The following ARFGEF2 variants were observed in gnomAD, a reference collection of about 807,000 sequenced individuals.
The protein encoded by ARFGEF2 is brefeldin A-inhibited guanine nucleotide-exchange protein 2.
ARFGEF2 carries 74 observed loss-of-function variants against 219.9 expected under a neutral mutation model. That is an observed-to-expected ratio of 0.34 (90% CI 0.28 to 0.41). The LOEUF is 0.41. Among genes scored for constraint, ARFGEF2 ranks in the 10% least tolerant of loss-of-function variants. The pLI is 1.00. For synonymous variants in ARFGEF2, 733 were observed against 799.2 expected, an observed-to-expected ratio of 0.92 and a Z score of 1.40; for missense variants, 1,743 against 2,218.3, an observed-to-expected ratio of 0.79 and a Z score of 4.30.
chr20:49,030,710 T>C (rs2091629182), intron 37 of ARFGEF2, among the ~76,000 whole-genome samples: 1 of 152,032 alleles, frequency 6.6e-6, no homozygotes, highest in African/African-American at 2.4e-5. Context: ...CTAAAGGAGA[T>C]ATGTAGGGCC....
At position 49,011,633 on chromosome 20, in the gene ARFGEF2, T is replaced by C. The variant is rs3818224; in HGVS notation, c.3758-291T>C. Among the ~76,000 whole-genome samples the C allele has an allele frequency of 0.37, 56,899 of 152,084 alleles. 11,485 individuals are homozygous for C. The highest frequency in any genetic ancestry group is 0.54 in the African/African-American group (22,430 of 41,472). ...CTATGGAAATTTTTAGGCATCGAGT[T>C]ATCTTTGCACATAGTTGGCGTTCAA... On this transcript the variant is annotated intron_variant, in intron 27 of 38. Transcript: ENST00000371917.
chr20:48,965,755 GA>G, intron 7 of ARFGEF2, 116 bp from the exon 8 acceptor site: 1 of 1,267,074 alleles, frequency 7.9e-7, no homozygotes, highest in Non-Finnish European at 1.1e-6. Context: ...GGTGGCACAG[GA>G]AAAGGGGAAA....
chr20:48,954,412 A>G, intron 6 of ARFGEF2, among the ~76,000 whole-genome samples: 1 of 152,206 alleles, frequency 6.6e-6, no homozygotes, highest in Non-Finnish European at 1.5e-5. Context: ...GACTGTTCAT[A>G]TCTCTCCCTG....
chr20:49,004,740 C>T (rs901738239), intron 25 of ARFGEF2, among the ~76,000 whole-genome samples: 7 of 151,196 alleles, frequency 4.6e-5, no homozygotes, highest in African/African-American at 1.2e-4. Flanking sequence ...TGCAGTGAGC[C>T]GAGATCACAC....
At chr20:48,975,766 A>T (rs2091257330) in intron 13 of ARFGEF2, among the ~76,000 whole-genome samples, 1 of 132,826 alleles carries the variant, frequency 7.5e-6, no homozygotes. Flanking sequence ...GTGCCACTGC[A>T]CTCCAGCCAG....
chr20:48,977,936 A>G (rs1433866682), intron 14 of ARFGEF2, among the ~76,000 whole-genome samples: 1 of 151,842 alleles, frequency 6.6e-6, no homozygotes, highest in East Asian at 1.9e-4. Context: ...TTGCCTGTTC[A>G]CTCTGATGGT....
At position 48,965,892 on chromosome 20, in the gene ARFGEF2, C is replaced by T; in HGVS notation, c.928C>T (p.Leu310=). 8 of 1,614,180 alleles carry T rather than the reference C, an allele frequency of 5.0e-6. No homozygotes were observed. Among genetic ancestry groups the T allele is most frequent in the Non-Finnish European group, 5.9e-6 (7 of 1,180,034 alleles). ...TTAAGAAGCAGCGGAAAAGCATGGTCTGACAGAACCTGAGAGAGTTCTAGG... is the reference window on the plus strand; with the variant it reads ...TTAAGAAGCAGCGGAAAAGCATGGTTTGACAGAACCTGAGAGAGTTCTAGG... ...AIKEAAEKHG[L]TEPERVLGEL... Residue 310 remains leucine, a synonymous_variant, in exon 8 of 39, where the codon CTG becomes TTG. Coordinates refer to ENST00000371917, the MANE Select transcript of ARFGEF2 (RefSeq NM_006420.3).
chr20:48,954,729 AG>A (rs2091095637), intron 6 of ARFGEF2, among the ~76,000 whole-genome samples: 1 of 152,170 alleles, frequency 6.6e-6, no homozygotes, highest in South Asian at 2.1e-4. Flanking sequence ...CATTTACTCA[AG>A]GAAAGCACAA....
intron 14 of ARFGEF2, among the ~76,000 whole-genome samples, chr20:48,980,207 A>T (rs2091286585): frequency 6.6e-6 from 1 of 152,172 alleles, no homozygotes; most frequent in Admixed American, 6.5e-5. Context: ...GTTCCAAATA[A>T]CATCTTTATT....
intron 1 of ARFGEF2, among the ~76,000 whole-genome samples, chr20:48,930,436 T>G (rs1314108731): frequency 1.3e-5 from 2 of 152,154 alleles, no homozygotes; most frequent in African/African-American, 4.8e-5. Flanking sequence ...ACAGTAGAAA[T>G]AGAGCAAAGA....
intron 1 of ARFGEF2, among the ~76,000 whole-genome samples, chr20:48,932,879 G>A (rs891771864): frequency 2.0e-5 from 3 of 152,194 alleles, no homozygotes; most frequent in African/African-American, 4.8e-5. Context: ...GGCAGCGTTG[G>A]TTTCTGTGGG....
Position 49,017,322 on chromosome 20 carries a change from T to C in ARFGEF2, c.4389T>C (p.Ser1463=), listed in dbSNP as rs771731652. ...NLVISNGEKF[S]PEVWDETCNC... is the part of the protein sequence containing the mutation. ...TAATATCCAATGGAGAGAAATTCAG[T>C]CCTGAAGTCTGGGATGAAACCTGCA... Residue 1463 remains serine (S), a synonymous_variant, in exon 32 of 39, where the codon AGT becomes AGC. Transcript: ENST00000371917. The C allele has an allele frequency of 6.2e-7, 1 of 1,614,104 alleles. No homozygotes were observed.
chr20:48,947,056 C>T (rs1224191838), intron 3 of ARFGEF2, among the ~76,000 whole-genome samples: 1 of 152,102 alleles, frequency 6.6e-6, no homozygotes, highest in East Asian at 1.9e-4. Context: ...AATAATAAAA[C>T]CATTTTTGAG....
chr20:48,941,264 G>C, intron 2 of ARFGEF2, 35 bp downstream of exon 2: 1 of 1,608,048 alleles, frequency 6.2e-7, no homozygotes, highest in Non-Finnish European at 8.5e-7. Context: ...CTGAGATACG[G>C]CATGAAGGGA....
intron 14 of ARFGEF2, among the ~76,000 whole-genome samples, chr20:48,977,130 G>A (rs567099879): frequency 2.7e-5 from 4 of 146,910 alleles, no homozygotes; most frequent in Non-Finnish European, 6.0e-5. Context: ...CTCCCCCTGC[G>A]CCCCACCCCA....
chr20:48,972,152 G>A (rs899246439), intron 10 of ARFGEF2, among the ~76,000 whole-genome samples, 174 bp from the exon 11 acceptor site: 16 of 152,184 alleles, frequency 1.1e-4, no homozygotes, highest in Admixed American at 3.3e-4. Flanking sequence ...CCTGCCAGCC[G>A]TCCCCACCAA....
At chr20:48,930,051 A>C (rs1286084990) in intron 1 of ARFGEF2, among the ~76,000 whole-genome samples, 1 of 152,208 alleles carries the variant, frequency 6.6e-6, no homozygotes, top group Non-Finnish European at 1.5e-5. Context: ...GAACCAATGA[A>C]GAGACTGTCT....
At chr20:48,937,365 C>T (rs1335758102) in intron 1 of ARFGEF2, among the ~76,000 whole-genome samples, 1 of 152,212 alleles carries the variant, frequency 6.6e-6, no homozygotes, top group Non-Finnish European at 1.5e-5. Flanking sequence ...TGGGCCCCTA[C>T]TGGGCCTAGT....
At chr20:49,001,019 T>C (rs2091421624) in intron 25 of ARFGEF2, among the ~76,000 whole-genome samples, 3 of 151,380 alleles carry the variant, frequency 2.0e-5, no homozygotes, top group Admixed American at 6.6e-5. Context: ...TAATCAGTGC[T>C]GTTTAAGCAC....
Sources: gnomAD v4.1 joint callset for allele counts (sites outside exome capture counted in the v4.1 genomes callset) on GRCh38, gnomAD v4.1.1 for gene constraint, MANE v1.5 for transcripts, NCBI Gene and HGNC (gene_info 2026-07-23, HGNC 2026-07-21) for gene names.